Variants in KIRREL3 observed in about 807,000 individuals in gnomAD.
KIRREL3 encodes kirre like nephrin family adhesion molecule 3.
Under a neutral mutation model 89.7 loss-of-function variants are expected in KIRREL3, and 36 were observed. The ratio of observed to expected loss-of-function variants is 0.40; its 90% confidence interval spans 0.31 to 0.53. The LOEUF is 0.53. KIRREL3 is among the 20% of genes least tolerant of loss of function. The pLI, the probability that KIRREL3 is intolerant of heterozygous loss-of-function variation, is 0.49. For missense variants in KIRREL3, 864 were observed against 1,056.6 expected (o/e 0.82, Z 2.53); for synonymous variants, 445 against 441.4 (o/e 1.01, Z -0.10).
In KIRREL3 at chr11:126,656,980, A is replaced by G. The variant is rs1218886806; in HGVS notation, c.56-94068T>C. ...GGCATGAGAGTGGCTTGAACCCAGGAGGCTAGGGTTGTGGTGAGCTGAGAT... is the reference window on the plus strand; with the variant it reads ...GGCATGAGAGTGGCTTGAACCCAGGGGGCTAGGGTTGTGGTGAGCTGAGAT... On this transcript the variant is annotated intron_variant, in intron 1 of 16. Coordinates refer to ENST00000525144, the MANE Select transcript of KIRREL3 (RefSeq NM_032531.4). This position sits in a 1 kb window ranked among gnomAD's most constrained non-coding sequence, Gnocchi z 4.0. 6.6e-6 allele frequency among the ~76,000 whole-genome samples: 1 copy of G among 151,854 alleles called. No individual in the cohort carries two copies. The highest frequency in any genetic ancestry group is 2.4e-5 in the African/African-American group (1 of 41,326).
chr11:126,672,548 CA>C (rs1946002758), intron 1 of KIRREL3, among the ~76,000 whole-genome samples: 1 of 152,042 alleles, frequency 6.6e-6, no homozygotes, highest in African/African-American at 2.4e-5. Context: ...CAGTAGTTGC[CA>C]GGGGCGTGGG....
Position 126,906,997 on chromosome 11 carries a change from C to G in KIRREL3, c.55+93458G>C, listed in dbSNP as rs1195040413. ...AGACCTAGGAAGGAATCCTTAGTTT[C>G]CTTTTGTTGTACAAGGACACTGCTC... On this transcript the variant is annotated intron_variant, in intron 1 of 16. Coordinates refer to ENST00000525144, the MANE Select transcript of KIRREL3 (RefSeq NM_032531.4). The surrounding 1 kb of genome is among the most constrained non-coding windows in gnomAD (Gnocchi z 4.1). 2.0e-5 allele frequency among the ~76,000 whole-genome samples: 3 copies of G among 152,182 alleles called. No homozygotes were observed. Among genetic ancestry groups the G allele is most frequent in the African/African-American group, 4.8e-5 (2 of 41,440 alleles).
intron 5 of KIRREL3, among the ~76,000 whole-genome samples, chr11:126,472,691 C>T (rs932714507): frequency 2.1e-5 from 2 of 96,982 alleles, no homozygotes; most frequent in South Asian, 4.1e-4. Flanking sequence ...AGCAGTTACC[C>T]TAGGACATAG....
chr11:126,667,566 A>G (rs536783066), intron 1 of KIRREL3, among the ~76,000 whole-genome samples: 4 of 152,276 alleles, frequency 2.6e-5, no homozygotes, highest in African/African-American at 9.6e-5. Context: ...CTGGGGCACC[A>G]TGGCTATAAT....
At chr11:126,533,277 G>A (rs1339694478) in intron 2 of KIRREL3, among the ~76,000 whole-genome samples, 1 of 152,224 alleles carries the variant, frequency 6.6e-6, no homozygotes, top group Non-Finnish European at 1.5e-5. Context: ...GAGCCCAGCA[G>A]TCTGGTTCCA....
chr11:126,517,348 CAGCAAG>C, intron 4 of KIRREL3, among the ~76,000 whole-genome samples: 1 of 152,206 alleles, frequency 6.6e-6, no homozygotes, highest in East Asian at 1.9e-4. Context: ...AGTTAGTGAG[CAGCAAG>C]AGCATATTCT....
intron 1 of KIRREL3, among the ~76,000 whole-genome samples, chr11:126,949,799 G>T (rs180893112): frequency 1.2e-4 from 19 of 152,276 alleles, no homozygotes; most frequent in African/African-American, 4.6e-4. Context: ...AGAATGGCAG[G>T]AACCACCCAC....
At position 126,486,590 on chromosome 11, in the gene KIRREL3, A is replaced by G. The variant is rs1957365188; in HGVS notation, c.434-13124T>C. 6.6e-6 allele frequency among the ~76,000 whole-genome samples: 1 copy of G among 152,220 alleles called. No homozygotes were observed. The highest frequency in any genetic ancestry group is 2.1e-4 in the South Asian group (1 of 4,832). The stretch of plus-strand genomic sequence containing the variant: ...TGCTCAACACAGCTGGGTTGGTGGG[A>G]AAAGCCCATCATGGTGGCTGCCGTG... On this transcript the variant is annotated intron_variant, in intron 4 of 16. Coordinates refer to ENST00000525144, the MANE Select transcript of KIRREL3 (RefSeq NM_032531.4). The surrounding 1 kb of genome is among the most constrained non-coding windows in gnomAD (Gnocchi z 6.2).
In KIRREL3 at chr11:126,526,681, A is replaced by G. The variant is rs1426700953; in HGVS notation, c.140T>C (p.Val47Ala). ...DKFRRMNEGQ[V>A]YSFSQQPQDQ... is the part of the protein sequence containing the mutation. Reference sequence around the variant, plus strand: ...CTGGGGCTGCTGGCTGAAGGAATAGACTTGGCCTGGGAAGGAGACAAACAC... The same window carrying G: ...CTGGGGCTGCTGGCTGAAGGAATAGGCTTGGCCTGGGAAGGAGACAAACAC... Residue 47 changes from valine (V) to alanine (A), a missense_variant, in exon 3 of 17, where the codon GTC becomes GCC. Val to Ala is a moderately conservative substitution (Grantham distance 64). Coordinates refer to ENST00000525144, the MANE Select transcript of KIRREL3 (RefSeq NM_032531.4). The surrounding 1 kb of genome is among the most constrained non-coding windows in gnomAD (Gnocchi z 5.7). The G allele has an allele frequency of 1.2e-5, 19 of 1,562,550 alleles. No individual in the cohort carries two copies. Among genetic ancestry groups the G allele is most frequent in the Non-Finnish European group, 1.6e-5 (19 of 1,153,264 alleles).
intron 1 of KIRREL3, among the ~76,000 whole-genome samples, chr11:126,963,292 C>T (rs1359976635): frequency 6.8e-6 from 1 of 146,736 alleles, no homozygotes; most frequent in African/African-American, 2.5e-5. Flanking sequence ...TGCCATCCTT[C>T]ACCAAACAGA....
rs1172978248 is a variant in KIRREL3, at chr11:126,491,971, G to A, written c.434-18505C>T. 6.6e-6 allele frequency among the ~76,000 whole-genome samples: 1 copy of A among 152,150 alleles called. No homozygotes were observed. The highest frequency in any genetic ancestry group is 1.5e-5 in the Non-Finnish European group (1 of 68,028). The stretch of plus-strand genomic sequence containing the variant: ...CCCGCATCAGCTTCCCAAAGTGCTA[G>A]GATTACAGGTGTGAGCCACCACGCC... On this transcript the variant is annotated intron_variant, in intron 4 of 16. Coordinates refer to ENST00000525144, the MANE Select transcript of KIRREL3 (RefSeq NM_032531.4). The surrounding 1 kb of genome is among the most constrained non-coding windows in gnomAD (Gnocchi z 5.5).
rs984330469 is a variant in KIRREL3 at position 126,904,054 on chromosome 11, G to T, written c.55+96401C>A. Among the ~76,000 whole-genome samples, 1 of 152,156 alleles carries T rather than the reference G, an allele frequency of 6.6e-6. No homozygotes were observed. The highest frequency in any genetic ancestry group is 2.4e-5 in the African/African-American group (1 of 41,442). The stretch of plus-strand genomic sequence containing the variant: ...ATTCTCAAGCAGGGATTTCTGCACT[G>T]GGAGGAGGCCAGATTACAAGACCCT... On this transcript the variant is annotated intron_variant, in intron 1 of 16. Coordinates refer to ENST00000525144, the MANE Select transcript of KIRREL3 (RefSeq NM_032531.4). This position sits in a 1 kb window ranked among gnomAD's most constrained non-coding sequence, Gnocchi z 4.4.
In KIRREL3 at chr11:126,969,977, T is replaced by C. The variant is rs770783579; in HGVS notation, c.55+30478A>G. On this transcript the variant is annotated intron_variant, in intron 1 of 16. Transcript: ENST00000525144. The surrounding 1 kb of genome is among the most constrained non-coding windows in gnomAD (Gnocchi z 4.9). ...AAAGGAAGTTTTGTGTTAATGTGACTAGTGTATGACTCTATCTGAGTTAAG... is the reference window on the plus strand; with the variant it reads ...AAAGGAAGTTTTGTGTTAATGTGACCAGTGTATGACTCTATCTGAGTTAAG... Among the ~76,000 whole-genome samples the C allele has an allele frequency of 5.9e-5, 9 of 152,180 alleles. No individual in the cohort carries two copies. The highest frequency in any genetic ancestry group is 1.2e-4 in the Non-Finnish European group (8 of 68,038).
intron 1 of KIRREL3, among the ~76,000 whole-genome samples, chr11:126,728,229 G>C (rs557054369): frequency 5.9e-5 from 9 of 152,108 alleles, no homozygotes; most frequent in African/African-American, 2.2e-4. Flanking sequence ...CCTCTAAATA[G>C]CTCTGTAGTC....
rs1231573356 is a variant in KIRREL3 at position 126,636,733 on chromosome 11, C to T, written c.56-73821G>A. ...TTGTGGCCTGATGGGCTAAGCTAGG[C>T]CCTTTGTACCACCTCAGAACAGCAG... On this transcript the variant is annotated intron_variant, in intron 1 of 16. Transcript: ENST00000525144. The surrounding 1 kb of genome is among the most constrained non-coding windows in gnomAD (Gnocchi z 4.4). Among the ~76,000 whole-genome samples the T allele has an allele frequency of 6.6e-6, 1 of 152,198 alleles. No individual in the cohort carries two copies. Among genetic ancestry groups the T allele is most frequent in the Admixed American group, 6.5e-5 (1 of 15,286 alleles).
chr11:126,670,253 G>A (rs980816862), intron 1 of KIRREL3, among the ~76,000 whole-genome samples: 4 of 152,172 alleles, frequency 2.6e-5, no homozygotes, highest in South Asian at 2.1e-4. Context: ...AAATCGAATG[G>A]CTGTTCATAA....
At position 126,965,410 on chromosome 11, in the gene KIRREL3, C is replaced by T. The variant is rs1180091624; in HGVS notation, c.55+35045G>A. ...TGTGTTAGTGGTCACTGGGAAGGAA[C>T]AGATTGGTTTATCCATGTATTTGCA... On this transcript the variant is annotated intron_variant, in intron 1 of 16. Coordinates refer to ENST00000525144, the MANE Select transcript of KIRREL3 (RefSeq NM_032531.4). The surrounding 1 kb of genome is among the most constrained non-coding windows in gnomAD (Gnocchi z 4.4). 6.6e-6 allele frequency among the ~76,000 whole-genome samples: 1 copy of T among 152,146 alleles called. No individual in the cohort carries two copies. Among genetic ancestry groups the T allele is most frequent in the African/African-American group, 2.4e-5 (1 of 41,436 alleles).
At chr11:126,845,538 C>T (rs1309511783) in intron 1 of KIRREL3, among the ~76,000 whole-genome samples, 2 of 152,058 alleles carry the variant, frequency 1.3e-5, no homozygotes, top group African/African-American at 2.4e-5. Context: ...GCCTAGGACC[C>T]CAAAAACCTG....
chr11:126,923,935 CCTT>C (rs1204567813), intron 1 of KIRREL3, among the ~76,000 whole-genome samples: 1 of 152,224 alleles, frequency 6.6e-6, no homozygotes, highest in Non-Finnish European at 1.5e-5. Context: ...TCCCCCCAAA[CCTT>C]CTTTTCTTCA....
Sources: allele counts gnomAD v4.1 joint callset (sites outside exome capture counted in the v4.1 genomes callset), GRCh38; gene constraint gnomAD v4.1.1; non-coding constraint Gnocchi (gnomAD v3.1); transcripts MANE v1.5; gene names NCBI Gene and HGNC (gene_info 2026-07-23, HGNC 2026-07-21).